The following DCT variants were observed in gnomAD, a reference collection of about 807,000 sequenced individuals.
DCT encodes dopachrome tautomerase, also known as L-dopachrome tautomerase.
Under a neutral mutation model 53.0 loss-of-function variants are expected in DCT, and 47 were observed. That is an observed-to-expected ratio of 0.89 (90% CI 0.70 to 1.13). The LOEUF (loss-of-function observed/expected upper bound fraction) is 1.13, where lower values mean the gene tolerates loss of function less well. Among genes scored for constraint, DCT ranks in the 50% most tolerant of loss-of-function variants. The pLI is 0.00. For missense variants in DCT, 669 were observed against 637.4 expected (o/e 1.05, Z -0.53); for synonymous variants, 244 against 237.0 (o/e 1.03, Z -0.27).
the DCT span, among the ~76,000 whole-genome samples, chr13:94,532,675 C>T: frequency 3.1e-3 from 472 of 152,190 alleles, 1 homozygote; most frequent in African/African-American, 0.011. Context: ...TTAGGAGAAA[C>T]ACCTAATGTA....
At chr13:94,547,219 G>A in the DCT span, among the ~76,000 whole-genome samples, 9 of 151,750 alleles carry the variant, frequency 5.9e-5, no homozygotes, top group African/African-American at 1.9e-4. Context: ...CCTGTTCAAC[G>A]GATTCTCCTG....
At chr13:94,455,868 G>A (rs983603666) in intron 6 of DCT, among the ~76,000 whole-genome samples, 1 of 152,170 alleles carries the variant, frequency 6.6e-6, no homozygotes, top group African/African-American at 2.4e-5. Context: ...ACTGGATAAG[G>A]AGTATTATGA....
the DCT span, among the ~76,000 whole-genome samples, chr13:94,543,899 G>A: frequency 2.6e-5 from 4 of 152,084 alleles, no homozygotes; most frequent in African/African-American, 9.7e-5. Flanking sequence ...GCTGGGCATG[G>A]TGGTGGTTAC....
Position 94,479,266 on chromosome 13 carries a change from T to C in DCT, c.-11A>G, listed in dbSNP as rs761759473. On this transcript the variant is annotated 5_prime_UTR_variant, in exon 1 of 8. Transcript: ENST00000377028. Reference sequence around the variant, plus strand: ...CCAAAGGGGGCTCATGGCTTTATAATTGGGAGAGCTCTCTCTCTCTCTTAC... The same window carrying C: ...CCAAAGGGGGCTCATGGCTTTATAACTGGGAGAGCTCTCTCTCTCTCTTAC... 8 of 1,555,588 alleles carry C rather than the reference T, an allele frequency of 5.1e-6. No homozygotes were observed. The highest frequency in any genetic ancestry group is 6.1e-6 in the Non-Finnish European group (7 of 1,145,860).
upstream of DCT, among the ~76,000 whole-genome samples, chr13:94,482,871 C>G (rs1461043667): frequency 6.6e-6 from 1 of 152,198 alleles, no homozygotes; most frequent in East Asian, 1.9e-4. Flanking sequence ...CCCAACATCA[C>G]TACAACCCAT....
the DCT span, among the ~76,000 whole-genome samples, chr13:94,507,473 C>G: frequency 1.3e-5 from 2 of 150,554 alleles, no homozygotes; most frequent in East Asian, 2.0e-4. Flanking sequence ...TTTTGAACAA[C>G]AGTTGGAGTT....
chr13:94,456,606 G>A (rs1026126991), intron 6 of DCT, among the ~76,000 whole-genome samples: 7 of 152,184 alleles, frequency 4.6e-5, no homozygotes, highest in Admixed American at 3.3e-4. Context: ...GATAACATTT[G>A]TATTGTACTT....
chr13:94,468,354 T>G, intron 2 of DCT: 1 of 199,002 alleles, frequency 5.0e-6, no homozygotes, highest in Non-Finnish European at 1.0e-5. Context: ...TTAGCACATG[T>G]TCAGTTAATT....
the DCT span, among the ~76,000 whole-genome samples, chr13:94,547,369 G>C: frequency 1.1e-4 from 16 of 151,854 alleles, no homozygotes; most frequent in African/African-American, 3.4e-4. Context: ...CGCCCACCTC[G>C]GCCTGCCAAA....
intron 7 of DCT, among the ~76,000 whole-genome samples, chr13:94,440,998 T>C (rs1882265794): frequency 6.6e-6 from 1 of 152,204 alleles, no homozygotes; most frequent in Non-Finnish European, 1.5e-5. Flanking sequence ...ATTTTTAATA[T>C]ACATATGCCT....
the DCT span, among the ~76,000 whole-genome samples, chr13:94,524,349 C>T: frequency 1.3e-5 from 2 of 152,214 alleles, no homozygotes; most frequent in Non-Finnish European, 2.9e-5. Flanking sequence ...TATGTCTGCT[C>T]AGGATGGGGA....
the DCT span, among the ~76,000 whole-genome samples, chr13:94,536,000 A>C: frequency 4.6e-5 from 7 of 152,224 alleles, no homozygotes; most frequent in Non-Finnish European, 1.0e-4. Context: ...GTTCACAGGA[A>C]ATAGCCTAAC....
chr13:94,473,166 A>G (rs1238731987), intron 1 of DCT, among the ~76,000 whole-genome samples: 1 of 152,134 alleles, frequency 6.6e-6, no homozygotes, highest in African/African-American at 2.4e-5. Flanking sequence ...TCAACTTAAA[A>G]TTTTTCAACT....
upstream of DCT, among the ~76,000 whole-genome samples, chr13:94,484,551 A>T (rs1208999285): frequency 6.6e-6 from 1 of 152,204 alleles, no homozygotes; most frequent in Non-Finnish European, 1.5e-5. Context: ...ACAGAAATGT[A>T]CTTTCCCACA....
the DCT span, among the ~76,000 whole-genome samples, chr13:94,536,561 G>A: frequency 6.6e-6 from 1 of 152,128 alleles, no homozygotes; most frequent in Non-Finnish European, 1.5e-5. Flanking sequence ...ATGAGAGCTG[G>A]TTGTTAAAAA....
the DCT span, among the ~76,000 whole-genome samples, chr13:94,538,775 TGAAGATCATTTTCA>T: frequency 2.8e-4 from 43 of 152,328 alleles, no homozygotes; most frequent in African/African-American, 1.0e-3. Flanking sequence ...TTACCTGGGA[TGAAGATCATTTTCA>T]GAAGCTTCCC....
chr13:94,475,808 C>T (rs774373430), intron 1 of DCT, among the ~76,000 whole-genome samples: 11 of 152,298 alleles, frequency 7.2e-5, no homozygotes, highest in South Asian at 2.1e-4. Flanking sequence ...ATATTGTGCA[C>T]GTTAATTATG....
At chr13:94,475,720 A>G (rs1308876677) in intron 1 of DCT, among the ~76,000 whole-genome samples, 1 of 152,226 alleles carries the variant, frequency 6.6e-6, no homozygotes, top group Non-Finnish European at 1.5e-5. Context: ...ACCACGAGGA[A>G]CCTTTGGAGA....
chr13:94,457,765 G>A (rs1009541552), intron 6 of DCT, among the ~76,000 whole-genome samples: 4 of 152,176 alleles, frequency 2.6e-5, no homozygotes, highest in African/African-American at 7.2e-5. Context: ...TAAAATAGAC[G>A]AGGGTGAGTT....
Sources: gnomAD v4.1 joint callset for allele counts (sites outside exome capture counted in the v4.1 genomes callset) on GRCh38, gnomAD v4.1.1 for gene constraint, MANE v1.5 for transcripts, NCBI Gene and HGNC (gene_info 2026-07-23, HGNC 2026-07-21) for gene names.